Variants in PLD5 observed in about 807,000 individuals in gnomAD.
PLD5 encodes inactive phospholipase D5.
In PLD5, 36 loss-of-function variants were observed where a neutral mutation model predicts 61.1. That is an observed-to-expected ratio of 0.59 (90% confidence interval 0.45 to 0.78). The LOEUF (loss-of-function observed/expected upper bound fraction) is 0.78. Among genes scored for constraint, PLD5 ranks in the 30% least tolerant of loss-of-function variants. The pLI is 0.00. For synonymous variants in PLD5, 243 were observed against 242.8 expected (o/e 1.00, Z -0.01); for missense variants, 515 against 644.4 (o/e 0.80, Z 2.17).
intron 5 of PLD5, among the ~76,000 whole-genome samples, chr1:242,142,610 A>C (rs1270102883): frequency 2.0e-5 from 3 of 152,074 alleles, no homozygotes; most frequent in Non-Finnish European, 4.4e-5. Context: ...TTTTCTAAGA[A>C]CCTATAGCTA....
At chr1:242,524,971 C>G (rs1341638186), upstream of PLD5, among the ~76,000 whole-genome samples, 1 of 151,890 alleles carries the variant, frequency 6.6e-6, no homozygotes, top group African/African-American at 2.4e-5. Flanking sequence ...GTCCTGCTGG[C>G]TGAGCGCGGG....
In PLD5 at chr1:242,256,770, CTATCTATCTATCT is replaced by C. The variant is rs1405193839; in HGVS notation, c.607+8554_607+8566del. Among the ~76,000 whole-genome samples, 2 of 149,538 alleles carry C rather than the reference CTATCTATCTATCT, an allele frequency of 1.3e-5. No individual in the cohort carries two copies. The highest frequency in any genetic ancestry group is 5.1e-5 in the African/African-American group (2 of 39,140). On this transcript the variant is annotated intron_variant, in intron 4 of 9. Transcript: ENST00000536534. This position sits in a 1 kb window ranked among gnomAD's most constrained non-coding sequence, Gnocchi z 5.7. ...ATCATCTATCTATCTATCTATCTAT[CTATCTATCTATCT>C]ATCTATCTATCTATTAATATCTATC... is the stretch of plus-strand genomic sequence containing the variant.
chr1:242,502,085 C>G (rs893896528), intron 1 of PLD5, among the ~76,000 whole-genome samples: 1 of 152,156 alleles, frequency 6.6e-6, no homozygotes, highest in Non-Finnish European at 1.5e-5. Context: ...CACCTACATA[C>G]TAAGGATTCC....
At chr1:242,424,291 G>GT (rs938406731) in intron 1 of PLD5, among the ~76,000 whole-genome samples, 4 of 152,108 alleles carry the variant, frequency 2.6e-5, no homozygotes, top group African/African-American at 7.2e-5. Context: ...TTAGCCATCA[G>GT]TTTGCCTGAG....
chr1:242,406,276 A>G (rs1372803384), intron 1 of PLD5, among the ~76,000 whole-genome samples: 4 of 152,216 alleles, frequency 2.6e-5, no homozygotes, highest in Non-Finnish European at 4.4e-5. Flanking sequence ...AGGCTGCTGC[A>G]TAAATTACTA....
rs569445280 is a variant in PLD5, at chr1:242,243,644, A to C, written c.607+21693T>G. Among the ~76,000 whole-genome samples the C allele has an allele frequency of 1.4e-3, 209 of 152,320 alleles. 1 individual carries two copies. Among genetic ancestry groups the C allele is most frequent in the African/African-American group, 4.8e-3 (201 of 41,574 alleles). The stretch of plus-strand genomic sequence containing the variant: ...TTTAGGGCCCTTTGGAAGGGACAAT[A>C]GAAGAGGAACAAGGAGTTTGGGAAA... On this transcript the variant is annotated intron_variant, in intron 4 of 9. Coordinates refer to ENST00000536534, the MANE Select transcript of PLD5 (RefSeq NM_001372062.1).
chr1:242,481,861 C>T (rs991537924), intron 1 of PLD5, among the ~76,000 whole-genome samples: 1 of 152,212 alleles, frequency 6.6e-6, no homozygotes, highest in Admixed American at 6.5e-5. Context: ...TCAGACAAAA[C>T]TTCCAGAGGA....
At chr1:242,421,088 G>C (rs1183767083) in intron 1 of PLD5, among the ~76,000 whole-genome samples, 1 of 148,950 alleles carries the variant, frequency 6.7e-6, no homozygotes, top group Non-Finnish European at 1.5e-5. Flanking sequence ...GCTGAAGCAG[G>C]AGAATCACTT....
Position 242,524,241 on chromosome 1 carries a change from G to T in PLD5, c.36C>A (p.Ser12=), listed in dbSNP as rs1669373022. 1 of 1,510,306 alleles carries T rather than the reference G, an allele frequency of 6.6e-7. No homozygotes were observed. Among genetic ancestry groups the T allele is most frequent in the Non-Finnish European group, 8.8e-7 (1 of 1,134,734 alleles). The allele number at this position is 1,510,306 out of a possible 1,614,324, so 93.6% of individuals were successfully genotyped here. Residue 12 remains serine, a synonymous_variant, in exon 1 of 10, where the codon TCC becomes TCA. Transcript: ENST00000536534. The part of the protein sequence containing the change: ...EIRQHEWLSA[S]PHEGFEQMRL... ...TCATCTGCTCGAAGCCCTCATGGGG[G>T]GAGGCCGAGAGCCACTCGTGCTGCC...
intron 5 of PLD5, among the ~76,000 whole-genome samples, chr1:242,131,567 G>T (rs1663254081): frequency 6.6e-6 from 1 of 152,126 alleles, no homozygotes; most frequent in Admixed American, 6.5e-5. Flanking sequence ...CCATTTCACA[G>T]TAAGAAAACC....
intron 8 of PLD5, among the ~76,000 whole-genome samples, chr1:242,106,278 A>C (rs1661049213): frequency 6.6e-6 from 1 of 152,178 alleles, no homozygotes; most frequent in African/African-American, 2.4e-5. Flanking sequence ...TTACATTGAC[A>C]AACTATGATG....
intron 5 of PLD5, among the ~76,000 whole-genome samples, chr1:242,176,532 A>C (rs1399445485): frequency 1.3e-5 from 2 of 152,194 alleles, no homozygotes; most frequent in African/African-American, 4.8e-5. Context: ...ATGGGCAAAG[A>C]CTTCATGTCT....
At chr1:242,417,311 T>C (rs1390224893) in intron 1 of PLD5, among the ~76,000 whole-genome samples, 1 of 152,108 alleles carries the variant, frequency 6.6e-6, no homozygotes, top group Non-Finnish European at 1.5e-5. Context: ...AAAACAGGGA[T>C]AGGGTGGAAG....
chr1:242,509,271 C>T (rs954161505), intron 1 of PLD5, among the ~76,000 whole-genome samples: 5 of 151,664 alleles, frequency 3.3e-5, no homozygotes, highest in African/African-American at 7.3e-5. Context: ...CCCAGCTACT[C>T]GGGAGGCTGA....
At chr1:242,406,132 C>T (rs1417718905) in intron 1 of PLD5, among the ~76,000 whole-genome samples, 1 of 152,160 alleles carries the variant, frequency 6.6e-6, no homozygotes, top group African/African-American at 2.4e-5. Context: ...GCTCCCACAG[C>T]ATCCTTTCCC....
chr1:242,139,636 G>A (rs1006054217), intron 5 of PLD5, among the ~76,000 whole-genome samples: 7 of 152,074 alleles, frequency 4.6e-5, no homozygotes, highest in South Asian at 2.1e-4. Flanking sequence ...TTCCTTTTGC[G>A]CCTTGCAGTG....
intron 4 of PLD5, among the ~76,000 whole-genome samples, chr1:242,265,023 GA>G (rs1427062172): frequency 6.6e-6 from 1 of 152,156 alleles, no homozygotes; most frequent in East Asian, 1.9e-4. Context: ...ATTCTGACGC[GA>G]AGTGGTTCTT....
intron 3 of PLD5, among the ~76,000 whole-genome samples, chr1:242,286,114 A>G (rs1675007538): frequency 6.6e-6 from 1 of 152,076 alleles, no homozygotes; most frequent in Admixed American, 6.6e-5. Context: ...GTCTCCAAAA[A>G]TAAAATAAAA....
intron 7 of PLD5, among the ~76,000 whole-genome samples, chr1:242,110,304 C>T (rs1661385115): frequency 6.6e-6 from 1 of 151,794 alleles, no homozygotes; most frequent in Non-Finnish European, 1.5e-5. Flanking sequence ...GACAGGAAAG[C>T]TTTTTGTTTT....
Sources: allele counts gnomAD v4.1 joint callset (sites outside exome capture counted in the v4.1 genomes callset), GRCh38; gene constraint gnomAD v4.1.1; non-coding constraint Gnocchi (gnomAD v3.1); transcripts MANE v1.5; gene names NCBI Gene and HGNC (gene_info 2026-07-23, HGNC 2026-07-21).